Variants in SLC7A6 observed in about 807,000 individuals in gnomAD.
The protein encoded by SLC7A6 is solute carrier family 7 member 6.
In SLC7A6, 29 loss-of-function variants were observed where a neutral mutation model predicts 46.6. The ratio of observed to expected loss-of-function variants is 0.62; its 90% CI spans 0.46 to 0.85. SLC7A6 has a LOEUF of 0.85. SLC7A6 is among the 40% of genes least tolerant of loss of function. SLC7A6 has a pLI of 0.00. For missense variants in SLC7A6, 527 were observed against 647.6 expected (o/e 0.81, Z 2.02); for synonymous variants, 276 against 257.3 (o/e 1.07, Z -0.70).
rs368347026 is a variant in SLC7A6 at position 68,274,714 on chromosome 16, G to A, written c.-13G>A. 1.2e-6 allele frequency: 2 copies of A among 1,613,742 alleles called. No homozygotes were observed. The highest frequency in any genetic ancestry group is 2.2e-5 in the East Asian group (1 of 44,870). ...AGGCCACAGCAAACACAGGTGTGCA[G>A]GAACCGTTTGTCATGGAAGCCAGGG... On this transcript the variant is annotated 5_prime_UTR_variant, in exon 3 of 11. Coordinates refer to ENST00000219343, the MANE Select transcript of SLC7A6 (RefSeq NM_003983.6).
intron 3 of SLC7A6, among the ~76,000 whole-genome samples, chr16:68,277,307 GA>G (rs2151218140): frequency 1.8e-5 from 1 of 54,458 alleles, no homozygotes; most frequent in African/African-American, 9.4e-5. Context: ...AGCTGGTCGA[GA>G]AGAGTACTTT....
chr16:68,296,687 C>G lies in SLC7A6; in HGVS notation c.1330C>G (p.Leu444Val). 1 of 1,614,202 alleles carries G rather than the reference C, an allele frequency of 6.2e-7. No individual in the cohort carries two copies. Among genetic ancestry groups the G allele is most frequent in the Non-Finnish European group, 8.5e-7 (1 of 1,180,034 alleles). Residue 444 changes from leucine to valine, a missense_variant, in exon 10 of 11, where the codon CTC becomes GTC. Physicochemically the swap from Leu to Val is conservative, Grantham distance 32 (BLOSUM62 1). Coordinates refer to ENST00000219343, the MANE Select transcript of SLC7A6 (RefSeq NM_003983.6). The stretch of plus-strand genomic sequence containing the variant: ...CTCCGTGTTTCTGGTGATAGTGCCC[C>G]TCTTCACTGACACCATTAATTCCCT... ...ICSVFLVIVPLFTDTINSLIG... is the reference protein window; with the variant it reads ...ICSVFLVIVPVFTDTINSLIG...
intron 8 of SLC7A6, among the ~76,000 whole-genome samples, 189 bp from the exon 9 acceptor site, chr16:68,296,175 A>G (rs1347079726): frequency 6.6e-6 from 1 of 152,088 alleles, no homozygotes; most frequent in Non-Finnish European, 1.5e-5. Context: ...GAAAGATGCT[A>G]CCCTGAGGGT....
Position 68,294,758 on chromosome 16 carries a change from T to C in SLC7A6, c.1076T>C (p.Ile359Thr), listed in dbSNP as rs748025271. Residue 359 changes from isoleucine (I) to threonine (T), a missense_variant, in exon 8 of 11, where the codon ATC (isoleucine) becomes ACC (threonine). Physicochemically the swap from Ile to Thr is moderately conservative, Grantham distance 89 (BLOSUM62 -1). Coordinates refer to ENST00000219343, the MANE Select transcript of SLC7A6 (RefSeq NM_003983.6). ...CACCTACCGGACCTTCTGTCCATGA[T>C]CCACATTGAGCGTTTTACACCTATC... Reference protein sequence around the residue: ...EGHLPDLLSMIHIERFTPIPA... With the variant: ...EGHLPDLLSMTHIERFTPIPA... 3.1e-6 allele frequency: 5 copies of C among 1,614,112 alleles called. No homozygotes were observed. Among genetic ancestry groups the C allele is most frequent in the Admixed American group, 3.3e-5 (2 of 60,008 alleles).
chr16:68,294,246 G>T (rs1467941139), intron 7 of SLC7A6, among the ~76,000 whole-genome samples: 1 of 152,200 alleles, frequency 6.6e-6, no homozygotes, highest in Non-Finnish European at 1.5e-5. Flanking sequence ...TAGAAAGGAA[G>T]CCTGGGTTGT....
chr16:68,267,182 G>A (rs930489521), intron 2 of SLC7A6, among the ~76,000 whole-genome samples: 1 of 146,524 alleles, frequency 6.8e-6, no homozygotes, highest in Non-Finnish European at 1.5e-5. Context: ...CAATCTGCCC[G>A]TCTCAGCCTC....
At chr16:68,278,519 CG>C in intron 3 of SLC7A6, among the ~76,000 whole-genome samples, 1 of 148,960 alleles carries the variant, frequency 6.7e-6, no homozygotes, top group East Asian at 2.0e-4. Flanking sequence ...TGACTCTTAA[CG>C]AGCATGCTGC....
chr16:68,270,075 G>C (rs576550754), intron 2 of SLC7A6, among the ~76,000 whole-genome samples: 1 of 152,148 alleles, frequency 6.6e-6, no homozygotes, highest in African/African-American at 2.4e-5. Context: ...GCCACCCTCA[G>C]CTTTAGGATT....
In SLC7A6 at chr16:68,301,027, G is replaced by C. The variant is rs183806849; in HGVS notation, c.*3699G>C. 8.5e-5 allele frequency: 97 copies of C among 1,145,436 alleles called. No homozygotes were observed. The African/African-American group carries it at 1.4e-3, about 16-fold the overall frequency. The allele number at this position is 1,145,436 out of a possible 1,614,324, so 71.0% of individuals were successfully genotyped here. On this transcript the variant is annotated 3_prime_UTR_variant, in exon 11 of 11. Transcript: ENST00000219343. Reference sequence around the variant, plus strand: ...CTAAAGAAACCTTCCTTTTTTCAACGTTTTTTTTTCTTTCAAACTGTAGGG... The same window carrying C: ...CTAAAGAAACCTTCCTTTTTTCAACCTTTTTTTTTCTTTCAAACTGTAGGG...
In SLC7A6 at chr16:68,299,376, G is replaced by A. The variant is rs1369890452; in HGVS notation, c.*2048G>A. 6.6e-6 allele frequency: 1 copy of A among 152,640 alleles called. No homozygotes were observed. Among genetic ancestry groups the A allele is most frequent in the Non-Finnish European group, 1.5e-5 (1 of 68,040 alleles). 9.5% of individuals were successfully genotyped at this position (152,640 alleles called of 1,614,324 possible). Reference sequence around the variant, plus strand: ...CCAGGTGCCCTAGTACTTGCTTAGTGAGCCATGTCATCCTCCTTTCATTTT... The same window carrying A: ...CCAGGTGCCCTAGTACTTGCTTAGTAAGCCATGTCATCCTCCTTTCATTTT... On this transcript the variant is annotated 3_prime_UTR_variant, in exon 11 of 11. Transcript: ENST00000219343.
rs1311011406 is a variant in SLC7A6 at position 68,287,815 on chromosome 16, C to T, written c.593C>T (p.Ala198Val). ...GTRVQDTFTY[A>V]KVVALIAIIV... is the part of the protein sequence containing the mutation. ...CGTGTGCAGGACACGTTCACTTACG[C>T]CAAGGTCGTAGCGCTCATTGCCATC... Residue 198 changes from alanine (A) to valine (V), a missense_variant, in exon 4 of 11, where the codon GCC becomes GTC. Ala to Val is a moderately conservative substitution (Grantham distance 64). Transcript: ENST00000219343. 15 of 1,614,188 alleles carry T rather than the reference C, an allele frequency of 9.3e-6. No individual in the cohort carries two copies. The highest frequency in any genetic ancestry group is 1.3e-5 in the Non-Finnish European group (15 of 1,180,038).
intron 7 of SLC7A6, 75 bp downstream of exon 7, chr16:68,291,736 T>C (rs1053995157): frequency 8.0e-7 from 1 of 1,254,514 alleles, no homozygotes; most frequent in South Asian, 1.2e-5. Context: ...GAGTTCCTTT[T>C]TTCCCTCCTT....
At chr16:68,266,873 TTA>T (rs2042542221) in intron 2 of SLC7A6, among the ~76,000 whole-genome samples, 152 bp downstream of exon 2, 1 of 152,090 alleles carries the variant, frequency 6.6e-6, no homozygotes, top group Non-Finnish European at 1.5e-5. Context: ...CTGTAATTTA[TTA>T]TAAAAATAAA....
intron 3 of SLC7A6, chr16:68,287,376 G>A: frequency 1.5e-6 from 2 of 1,295,962 alleles, no homozygotes; most frequent in Non-Finnish European, 2.0e-6. Flanking sequence ...GTTTCTTTTG[G>A]CCATGAAGAG....
At chr16:68,270,211 A>AG (rs1358119514) in intron 2 of SLC7A6, among the ~76,000 whole-genome samples, 1 of 25,766 alleles carries the variant, frequency 3.9e-5, no homozygotes, top group African/African-American at 1.9e-4. Flanking sequence ...CCTCAGTCTT[A>AG]AGCAGGCCCT....
Position 68,278,476 on chromosome 16 carries a change from T to C in SLC7A6, c.523+3227T>C, listed in dbSNP as rs2042759726. 3.3e-5 allele frequency among the ~76,000 whole-genome samples: 5 copies of C among 151,578 alleles called. No individual in the cohort carries two copies. In the South Asian group the frequency reaches 1.0e-3, roughly 32 times the overall value. On this transcript the variant is annotated intron_variant, in intron 3 of 10. Coordinates refer to ENST00000219343, the MANE Select transcript of SLC7A6 (RefSeq NM_003983.6). ...CCTTTTTTTTTTTTTGCAGTGTTTG[T>C]GTCCCTGGGTACTTGAGATTAGGGA...
intron 3 of SLC7A6, chr16:68,287,519 G>C (rs967128905): frequency 7.1e-7 from 1 of 1,415,640 alleles, no homozygotes; most frequent in Non-Finnish European, 9.3e-7. Flanking sequence ...ATGTGTTCAC[G>C]CATGCCTTCA....
rs553247630 is a variant in SLC7A6, at chr16:68,274,771, T to C, written c.45T>C (p.Leu15=). The change falls in exon 3 of 11, where the codon CTT becomes CTC. Residue 15 remains leucine, a synonymous_variant. Coordinates refer to ENST00000219343, the MANE Select transcript of SLC7A6 (RefSeq NM_003983.6). ...EPGRPTPTYH[L]VPNTSQSQVE... Reference sequence around the variant, plus strand: ...GGAGGCCCACACCCACCTACCATCTTGTCCCTAACACCAGCCAGTCCCAGG... The same window carrying C: ...GGAGGCCCACACCCACCTACCATCTCGTCCCTAACACCAGCCAGTCCCAGG... 327 of 1,614,188 alleles carry C rather than the reference T, an allele frequency of 2.0e-4. 2 individuals carry two copies. The South Asian group carries it at 3.4e-3, about 17-fold the overall frequency.
In SLC7A6 at chr16:68,296,946, T is replaced by C. The variant is rs529024713; in HGVS notation, c.1453+136T>C. 17 of 925,494 alleles carry C rather than the reference T, an allele frequency of 1.8e-5. No individual in the cohort carries two copies. In the African/African-American group the frequency reaches 2.9e-4, roughly 16 times the overall value. 57.3% of individuals were successfully genotyped at this position (925,494 alleles called of 1,614,324 possible). On this transcript the variant is annotated intron_variant, in intron 10 of 10. Coordinates refer to ENST00000219343, the MANE Select transcript of SLC7A6 (RefSeq NM_003983.6). The stretch of plus-strand genomic sequence containing the variant: ...GACCCAGCTGTCCACGACTTCCCTT[T>C]TGATTTTGACATGATCACTTTAGTT...
Sources: gnomAD v4.1 joint callset for allele counts (sites outside exome capture counted in the v4.1 genomes callset) on GRCh38, gnomAD v4.1.1 for gene constraint, MANE v1.5 for transcripts, NCBI Gene and HGNC (gene_info 2026-07-23, HGNC 2026-07-21) for gene names.